The following SLC19A3 variants were observed in gnomAD, a reference collection of about 807,000 sequenced individuals.
The protein encoded by SLC19A3 is thiamine transporter 2.
SLC19A3 carries 31 observed loss-of-function variants against 40.2 expected under a neutral mutation model. The observed-to-expected ratio is 0.77, with a 90% CI of 0.58 to 1.04. The LOEUF is 1.04. SLC19A3 is among the 50% of genes least tolerant of loss of function. SLC19A3 has a pLI of 0.00. For missense variants in SLC19A3, 592 were observed against 596.7 expected (o/e 0.99, Z 0.08); for synonymous variants, 212 against 227.5 (o/e 0.93, Z 0.61).
intron 1 of SLC19A3, among the ~76,000 whole-genome samples, chr2:227,713,142 C>A (rs1019979433): frequency 1.3e-5 from 2 of 152,140 alleles, no homozygotes; most frequent in Non-Finnish European, 2.9e-5. Flanking sequence ...CAGTGGCTCA[C>A]ACCTATAATC....
At chr2:227,714,585 T>A in intron 1 of SLC19A3, 1 of 984,564 alleles carries the variant, frequency 1.0e-6, no homozygotes, top group African/African-American at 1.8e-5. Context: ...CTTGTCCTCC[T>A]CCTTCAGACA....
Position 227,717,947 on chromosome 2 carries a change from A to G in SLC19A3, c.-7T>C. 1 of 985,344 alleles carries G rather than the reference A, an allele frequency of 1.0e-6. No individual in the cohort carries two copies. Among genetic ancestry groups the G allele is most frequent in the South Asian group, 4.7e-5 (1 of 21,286 alleles). 61.0% of individuals were successfully genotyped at this position (985,344 alleles called of 1,614,324 possible). On this transcript the variant is annotated 5_prime_UTR_variant, in exon 1 of 6. Transcript: ENST00000644224. ...CGCCCCCCGAGATATTCTTACCTAC[A>G]GAAGGGAGTGTCTGTTCACCAAATC...
At chr2:227,702,088 G>A (rs1695718146) in intron 2 of SLC19A3, 81 bp downstream of exon 2, 6 of 1,128,332 alleles carry the variant, frequency 5.3e-6, no homozygotes, top group South Asian at 1.3e-5. Context: ...CTTATATCAA[G>A]TTGAGGGAAG....
At chr2:227,710,386 A>T (rs1344124119) in intron 1 of SLC19A3, among the ~76,000 whole-genome samples, 1 of 152,038 alleles carries the variant, frequency 6.6e-6, no homozygotes, top group Non-Finnish European at 1.5e-5. Context: ...TGTTTGCCAG[A>T]CTCCATCTCT....
At chr2:227,692,186 G>A (rs1038632717) in intron 4 of SLC19A3, among the ~76,000 whole-genome samples, 18 of 151,980 alleles carry the variant, frequency 1.2e-4, no homozygotes, top group South Asian at 6.2e-4. Context: ...AACAGAGGAG[G>A]GAATACTTCC....
chr2:227,691,701 C>T (rs78494407), intron 4 of SLC19A3, among the ~76,000 whole-genome samples: 1,579 of 151,794 alleles, frequency 0.01, 38 homozygotes, highest in African/African-American at 0.036. Flanking sequence ...AAACTTAACC[C>T]AAAATTAGTA....
At position 227,699,176 on chromosome 2, in the gene SLC19A3, A is replaced by G. The variant is rs761311668; in HGVS notation, c.539T>C (p.Val180Ala). The stretch of plus-strand genomic sequence containing the variant: ...AAGTGAGAAAAGGAAAGCCACGGAG[A>G]CAGAGGCCAAGGATATGACGTTGAG... ...FYLNVISLAS[V>A]SVAFLFSLFL... Residue 180 changes from valine to alanine, a missense_variant, in exon 3 of 6, where the codon GTC becomes GCC. By Grantham distance (64) the Val-to-Ala change is moderately conservative. Transcript: ENST00000644224. The G allele has an allele frequency of 6.2e-6, 10 of 1,614,060 alleles. No individual in the cohort carries two copies. Among genetic ancestry groups the G allele is most frequent in the Non-Finnish European group, 8.5e-6 (10 of 1,180,042 alleles).
Position 227,686,719 on chromosome 2 carries a change from G to A in SLC19A3, c.*678C>T, listed in dbSNP as rs1695030437. 6.6e-6 allele frequency: 1 copy of A among 152,158 alleles called. No homozygotes were observed. Among genetic ancestry groups the A allele is most frequent in the African/African-American group, 2.4e-5 (1 of 41,422 alleles). 9.4% of individuals were successfully genotyped at this position (152,158 alleles called of 1,614,324 possible). A position where few individuals can be genotyped will look rare whatever the true frequency, so the allele number is the denominator to read the frequency against. ...TTGTGTATTCTGCAAATACACAAGA[G>A]GATCTGAAGCTATTCTTGAGGGAGA... On this transcript the variant is annotated 3_prime_UTR_variant, in exon 6 of 6. Coordinates refer to ENST00000644224, the MANE Select transcript of SLC19A3 (RefSeq NM_025243.4).
At chr2:227,695,765 T>C in intron 4 of SLC19A3, 124 bp downstream of exon 4, 1 of 927,902 alleles carries the variant, frequency 1.1e-6, no homozygotes, top group Non-Finnish European at 1.7e-6. Flanking sequence ...TCTAATTTAA[T>C]ATAAAGCAGT....
chr2:227,705,358 T>TG (rs1411589990), intron 1 of SLC19A3, among the ~76,000 whole-genome samples: 4 of 151,118 alleles, frequency 2.6e-5, no homozygotes, highest in Non-Finnish European at 4.4e-5. Context: ...CTCAACACTT[T>TG]GGGAGGCCAG....
intron 1 of SLC19A3, among the ~76,000 whole-genome samples, chr2:227,713,973 T>G (rs1444247429): frequency 6.6e-6 from 1 of 152,010 alleles, no homozygotes; most frequent in African/African-American, 2.4e-5. Flanking sequence ...TACGGTCATC[T>G]TGGAGGTGGG....
rs2106315499 is a variant in SLC19A3, at chr2:227,685,808, T to C, written c.*1589A>G. 6.2e-6 allele frequency: 1 copy of C among 161,804 alleles called. No individual in the cohort carries two copies. The highest frequency in any genetic ancestry group is 1.9e-4 in the East Asian group (1 of 5,328). 10.0% of individuals were successfully genotyped at this position (161,804 alleles called of 1,614,324 possible). Reference sequence around the variant, plus strand: ...TTCTTGAAGTTTCGAAAAACAGGTATGTTCAGATAATTTTCAGCAGAATTC... The same window carrying C: ...TTCTTGAAGTTTCGAAAAACAGGTACGTTCAGATAATTTTCAGCAGAATTC... On this transcript the variant is annotated 3_prime_UTR_variant, in exon 6 of 6. Coordinates refer to ENST00000644224, the MANE Select transcript of SLC19A3 (RefSeq NM_025243.4).
chr2:227,715,898 C>T (rs1574585480), intron 1 of SLC19A3, among the ~76,000 whole-genome samples: 2 of 137,988 alleles, frequency 1.4e-5, no homozygotes, highest in South Asian at 4.5e-4. Flanking sequence ...TGCGGTGAGC[C>T]GAGATCCCAG....
chr2:227,713,192 G>C (rs532570324), intron 1 of SLC19A3, among the ~76,000 whole-genome samples: 150 of 151,876 alleles, frequency 9.9e-4, no homozygotes, highest in South Asian at 1.9e-3. Flanking sequence ...GCTTGAGGCC[G>C]GGAGTTCAAG....
chr2:227,717,905 T>C (rs1419683340), intron 1 of SLC19A3, 38 bp downstream of exon 1: 2 of 984,606 alleles, frequency 2.0e-6, no homozygotes, highest in Non-Finnish European at 2.4e-6. Context: ...GGGATGACGG[T>C]GCTTCTTCAA....
intron 3 of SLC19A3, 146 bp downstream of exon 3, chr2:227,698,590 T>C (rs949416167): frequency 1.7e-5 from 13 of 780,086 alleles, no homozygotes; most frequent in Admixed American, 6.0e-5. Context: ...TAAGCCACCA[T>C]GCCCGGCCGT....
chr2:227,712,390 A>C (rs562718023), intron 1 of SLC19A3, among the ~76,000 whole-genome samples: 1 of 152,288 alleles, frequency 6.6e-6, no homozygotes, highest in African/African-American at 2.4e-5. Flanking sequence ...GAATAGATGA[A>C]CAAAAGATTT....
chr2:227,690,706 CAAAAAAAAAAAAAAAAAA>C (rs34163746), intron 4 of SLC19A3, among the ~76,000 whole-genome samples: 1 of 39,146 alleles, frequency 2.6e-5, no homozygotes, highest in Non-Finnish European at 4.6e-5. Flanking sequence ...GACTCCATCT[CAAAAAAAAAAAAAAAAAA>C]AAAAAAAAAT....
intron 1 of SLC19A3, among the ~76,000 whole-genome samples, chr2:227,710,672 T>C (rs577114647): frequency 6.6e-6 from 1 of 152,312 alleles, no homozygotes; most frequent in South Asian, 2.1e-4. Flanking sequence ...AGACTATCTA[T>C]GGACCCCACT....
Sources: allele counts gnomAD v4.1 joint callset (sites outside exome capture counted in the v4.1 genomes callset), GRCh38; gene constraint gnomAD v4.1.1; transcripts MANE v1.5; gene names NCBI Gene and HGNC (gene_info 2026-07-23, HGNC 2026-07-21).